TMEM232: variants seen among roughly 807,000 people sequenced by gnomAD.
TMEM232 encodes transmembrane protein 232.
TMEM232 carries 80 observed loss-of-function variants against 78.8 expected under a neutral mutation model. The observed-to-expected ratio is 1.01, with a 90% CI of 0.85 to 1.22. The LOEUF (loss-of-function observed/expected upper bound fraction) is 1.22. Ranked by LOEUF, TMEM232 falls within the 50% of genes most tolerant of loss-of-function variation. The pLI is 0.00. For synonymous variants in TMEM232, 297 were observed against 254.3 expected, an observed-to-expected ratio of 1.17 and a Z score of -1.60; for missense variants, 881 against 742.2, an observed-to-expected ratio of 1.19 and a Z score of -2.17.
chr5:110,638,253 C>CATCCCTCA lies in TMEM232; in HGVS notation c.445_446insTGAGGGAT (p.Cys149LeufsTer18). On this transcript the variant is annotated frameshift_variant, in exon 5 of 14. Transcript: ENST00000455884. LOFTEE classifies it high-confidence loss of function. ...ATATGTTTTGAGGGATGCATCACAACACAGTCTGTATAAAACCGATTCCGC... is the reference window on the plus strand; with the variant it reads ...ATATGTTTTGAGGGATGCATCACAACATCCCTCAACAGTCTGTATAAAACCGATTCCGC... 1.9e-6 allele frequency: 3 copies of CATCCCTCA among 1,550,712 alleles called. No homozygotes were observed. The highest frequency in any genetic ancestry group is 2.6e-6 in the Non-Finnish European group (3 of 1,146,518).
At chr5:110,502,973 G>A (rs563042388) in intron 12 of TMEM232, among the ~76,000 whole-genome samples, 6 of 152,048 alleles carry the variant, frequency 3.9e-5, no homozygotes, top group African/African-American at 4.8e-5. Flanking sequence ...TAATTACTTC[G>A]GTTGCTTATT....
At chr5:110,655,857 G>C (rs1788966616) in intron 2 of TMEM232, among the ~76,000 whole-genome samples, 1 of 140,824 alleles carries the variant, frequency 7.1e-6, no homozygotes, top group African/African-American at 2.7e-5. Context: ...ATGGAACAAT[G>C]AGAACACATG....
At chr5:110,393,835 G>A (rs891854388) in intron 3 of TMEM232, among the ~76,000 whole-genome samples, 1 of 151,348 alleles carries the variant, frequency 6.6e-6, no homozygotes, top group Admixed American at 6.6e-5. Context: ...GCGGGCACCT[G>A]TAATCCCAGC....
intron 6 of TMEM232, 23 bp downstream of exon 6, chr5:110,627,758 T>C: frequency 7.4e-7 from 1 of 1,358,554 alleles, no homozygotes; most frequent in South Asian, 1.4e-5. Flanking sequence ...CATTTATAAG[T>C]GTAAAAATAA....
At chr5:110,516,548 A>AT (rs1768679239) in intron 12 of TMEM232, among the ~76,000 whole-genome samples, 1 of 152,004 alleles carries the variant, frequency 6.6e-6, no homozygotes, top group Non-Finnish European at 1.5e-5. Context: ...TTACATACCT[A>AT]TTTTTTTGGT....
At chr5:110,606,483 G>A (rs1005917228) in intron 8 of TMEM232, among the ~76,000 whole-genome samples, 196 bp from the exon 9 acceptor site, 2 of 152,000 alleles carry the variant, frequency 1.3e-5, no homozygotes, top group Non-Finnish European at 2.9e-5. Context: ...TTGGTAATAT[G>A]TTTGAGTTCA....
intron 12 of TMEM232, among the ~76,000 whole-genome samples, chr5:110,463,827 TA>T (rs1329878236): frequency 6.6e-6 from 1 of 152,168 alleles, no homozygotes; most frequent in African/African-American, 2.4e-5. Context: ...CTGCCCTACA[TA>T]AGACCACCCA....
At chr5:110,462,190 G>A (rs906906417) in intron 12 of TMEM232, among the ~76,000 whole-genome samples, 2 of 152,146 alleles carry the variant, frequency 1.3e-5, no homozygotes, top group Non-Finnish European at 2.9e-5. Flanking sequence ...CATGATTTAT[G>A]GGAGGAGGTC....
intron 11 of TMEM232, among the ~76,000 whole-genome samples, chr5:110,537,081 A>T (rs889495125): frequency 2.0e-5 from 3 of 152,064 alleles, no homozygotes; most frequent in African/African-American, 7.2e-5. Context: ...GGATGCCTCA[A>T]GCATCACTCG....
chr5:110,591,166 C>T (rs1779478912), intron 10 of TMEM232, among the ~76,000 whole-genome samples: 1 of 152,168 alleles, frequency 6.6e-6, no homozygotes, highest in East Asian at 1.9e-4. Flanking sequence ...TCCATAAGAA[C>T]ATTATTTGAG....
In TMEM232 at chr5:110,487,954, A is replaced by G. The variant is rs532901883; in HGVS notation, c.1703+40634T>C. 3.9e-5 allele frequency among the ~76,000 whole-genome samples: 6 copies of G among 152,192 alleles called. No homozygotes were observed. In the East Asian group the frequency reaches 1.2e-3, roughly 29 times the overall value. Reference sequence around the variant, plus strand: ...TCAAAATACCACCATTCTTCTTTGAATGTCTGGTAGAATTCTGCTGTGAAT... The same window carrying G: ...TCAAAATACCACCATTCTTCTTTGAGTGTCTGGTAGAATTCTGCTGTGAAT... On this transcript the variant is annotated intron_variant, in intron 12 of 13. Coordinates refer to ENST00000455884, the MANE Select transcript of TMEM232 (RefSeq NM_001039763.4).
At chr5:110,627,182 C>G (rs1784520158) in intron 6 of TMEM232, among the ~76,000 whole-genome samples, 1 of 152,028 alleles carries the variant, frequency 6.6e-6, no homozygotes, top group Non-Finnish European at 1.5e-5. Flanking sequence ...AACTTCAGCT[C>G]CCGCTTGAAT....
At chr5:110,598,992 C>T (rs1054557665) in intron 10 of TMEM232, among the ~76,000 whole-genome samples, 3 of 151,256 alleles carry the variant, frequency 2.0e-5, no homozygotes, top group African/African-American at 7.3e-5. Flanking sequence ...GCACATGTAC[C>T]CTAAAACTTA....
At chr5:110,594,469 C>T (rs1260692769) in intron 10 of TMEM232, among the ~76,000 whole-genome samples, 1 of 152,094 alleles carries the variant, frequency 6.6e-6, no homozygotes, top group Non-Finnish European at 1.5e-5. Context: ...TGTTCTCTAA[C>T]CTGGAAAGGG....
intron 7 of TMEM232, among the ~76,000 whole-genome samples, chr5:110,620,324 A>G (rs568132939): frequency 1.8e-3 from 278 of 152,286 alleles, no homozygotes; most frequent in African/African-American, 6.3e-3. Flanking sequence ...TTACTCTGAG[A>G]CCATAAGAAA....
At chr5:110,545,022 C>T (rs1345043231) in intron 11 of TMEM232, among the ~76,000 whole-genome samples, 2 of 152,092 alleles carry the variant, frequency 1.3e-5, no homozygotes, top group Admixed American at 1.3e-4. Context: ...GAGCATGATT[C>T]CTTATCCCTG....
intron 12 of TMEM232, among the ~76,000 whole-genome samples, chr5:110,462,330 G>C (rs559581506): frequency 6.6e-5 from 10 of 152,284 alleles, no homozygotes; most frequent in South Asian, 2.1e-4. Flanking sequence ...GCAAAGTACT[G>C]TTCCTGAGTG....
chr5:110,668,352 G>C, intron 1 of TMEM232, among the ~76,000 whole-genome samples: 1 of 152,118 alleles, frequency 6.6e-6, no homozygotes, highest in East Asian at 1.9e-4. Context: ...GCTAATCTGA[G>C]GTTGCCCTCT....
At chr5:110,725,454 A>G (rs539932982) in intron 1 of TMEM232, 5 of 152,226 alleles carry the variant, frequency 3.3e-5, no homozygotes, top group African/African-American at 4.8e-5. Flanking sequence ...GAACTTCAAG[A>G]CAGGAACATT....
Sources: allele counts gnomAD v4.1 joint callset (sites outside exome capture counted in the v4.1 genomes callset), GRCh38; gene constraint gnomAD v4.1.1; transcripts MANE v1.5; gene names NCBI Gene and HGNC (gene_info 2026-07-23, HGNC 2026-07-21).